Variants in SAMSN1 observed in about 807,000 individuals in gnomAD.
The protein encoded by SAMSN1 is SAM domain, SH3 domain and nuclear localization signals 1.
A neutral mutation model predicts 42.0 loss-of-function variants in SAMSN1; 31 were observed. The observed-to-expected ratio is 0.74, with a 90% confidence interval of 0.55 to 1.00. SAMSN1 has a LOEUF of 1.00. Ranked by LOEUF, SAMSN1 falls within the 50% of genes least tolerant of loss-of-function variation. SAMSN1 has a pLI of 0.00. For missense variants in SAMSN1, 464 were observed against 439.4 expected (o/e 1.06, Z -0.50); for synonymous variants, 178 against 151.9 (o/e 1.17, Z -1.26).
At chr21:14,527,931 C>G (rs1978986529) in intron 1 of SAMSN1, among the ~76,000 whole-genome samples, 1 of 152,076 alleles carries the variant, frequency 6.6e-6, no homozygotes, top group Non-Finnish European at 1.5e-5. Context: ...TCATGCTACA[C>G]TTCTGGGAAA....
chr21:14,543,392 T>C (rs1980170164), intron 1 of SAMSN1, among the ~76,000 whole-genome samples: 1 of 152,198 alleles, frequency 6.6e-6, no homozygotes, highest in Non-Finnish European at 1.5e-5. Flanking sequence ...TATTTTAACA[T>C]GTATTTGGAC....
intron 1 of SAMSN1, among the ~76,000 whole-genome samples, chr21:14,538,056 T>C (rs902465278): frequency 6.6e-6 from 1 of 152,228 alleles, no homozygotes; most frequent in Admixed American, 6.5e-5. Context: ...AAAATACTTT[T>C]TAAAATGCTA....
chr21:14,497,540 C>T (rs756608935), intron 7 of SAMSN1, among the ~76,000 whole-genome samples: 1 of 152,002 alleles, frequency 6.6e-6, no homozygotes, highest in Non-Finnish European at 1.5e-5. Flanking sequence ...CGCGGTGAGC[C>T]GAGATCGCAC....
At chr21:14,629,540 C>T (rs1262982026) in intron 2 of SAMSN1, among the ~76,000 whole-genome samples, 1 of 152,196 alleles carries the variant, frequency 6.6e-6, no homozygotes, top group East Asian at 1.9e-4. Flanking sequence ...GCTTGCCAGC[C>T]TGTCCAGCTC....
At chr21:14,571,393 A>G (rs1295957520) in intron 2 of SAMSN1, among the ~76,000 whole-genome samples, 1 of 152,200 alleles carries the variant, frequency 6.6e-6, no homozygotes, top group Non-Finnish European at 1.5e-5. Context: ...GAGCTGCAAT[A>G]AAGCCATATT....
upstream of SAMSN1, among the ~76,000 whole-genome samples, chr21:14,547,809 A>G (rs187054440): frequency 4.3e-4 from 65 of 152,316 alleles, no homozygotes; most frequent in East Asian, 0.011. Flanking sequence ...CCTCTTGACT[A>G]GCTAAAAACA....
At chr21:14,512,880 T>A (rs75619795) in intron 3 of SAMSN1, among the ~76,000 whole-genome samples, 1 of 152,322 alleles carries the variant, frequency 6.6e-6, no homozygotes, top group East Asian at 1.9e-4. Flanking sequence ...TTTATTGACA[T>A]CTATGGTTTA....
chr21:14,640,236 T>C (rs953788743), intron 2 of SAMSN1, among the ~76,000 whole-genome samples: 3 of 152,206 alleles, frequency 2.0e-5, no homozygotes, highest in Non-Finnish European at 1.5e-5. Context: ...ATTTTGATTT[T>C]CCTTTTTCAA....
Position 14,554,803 on chromosome 21 carries a change from A to C in SAMSN1, c.261+27333T>G, listed in dbSNP as rs1363611397. Among the ~76,000 whole-genome samples the C allele has an allele frequency of 2.0e-5, 3 of 151,698 alleles. No individual in the cohort carries two copies. In the East Asian group the frequency reaches 5.8e-4, roughly 29 times the overall value. ...AGCTTTAAACTCCCAGGCTCAAGCA[A>C]TCCTCTCACCTCAGTCTCCTAACTA... On this transcript the variant is annotated intron_variant, in intron 2 of 8. Transcript: ENST00000285670.
chr21:14,658,636 C>G, intron 1 of SAMSN1: 1 of 640,954 alleles, frequency 1.6e-6, no homozygotes, highest in Non-Finnish European at 2.9e-6. Context: ...TTCTGAGATG[C>G]TAAGTGTATG....
At chr21:14,508,307 A>G (rs1987514319) in intron 5 of SAMSN1, among the ~76,000 whole-genome samples, 1 of 152,246 alleles carries the variant, frequency 6.6e-6, no homozygotes, top group Non-Finnish European at 1.5e-5. Flanking sequence ...CAATCTATAC[A>G]TCTGACAAAG....
intron 5 of SAMSN1, chr21:14,609,434 A>G (rs758542581): frequency 5.6e-6 from 4 of 716,416 alleles, no homozygotes. Context: ...TGCCCTTTAA[A>G]CTACTTTGGG....
intron 1 of SAMSN1, among the ~76,000 whole-genome samples, chr21:14,646,689 A>T (rs929768546): frequency 6.6e-6 from 1 of 152,218 alleles, no homozygotes; most frequent in African/African-American, 2.4e-5. Flanking sequence ...AACCAATGAA[A>T]GATAATAACT....
At chr21:14,514,197 C>T (rs1225669247) in intron 3 of SAMSN1, among the ~76,000 whole-genome samples, 1 of 152,212 alleles carries the variant, frequency 6.6e-6, no homozygotes, top group East Asian at 1.9e-4. Flanking sequence ...ATGAGACTCT[C>T]TCTACCTGAT....
chr21:14,594,038 T>A (rs1982173875), exon 7 of SAMSN1: 2 of 715,806 alleles, frequency 2.8e-6, no homozygotes, highest in Non-Finnish European at 5.2e-6. Context: ...GGTCTCAACA[T>A]GTCTTTGATA....
chr21:14,649,423 C>A (rs964189990), intron 1 of SAMSN1, among the ~76,000 whole-genome samples: 1 of 151,232 alleles, frequency 6.6e-6, no homozygotes, highest in Admixed American at 6.6e-5. Context: ...TAAAGTATAA[C>A]AATAAAAGAA....
intron 2 of SAMSN1, among the ~76,000 whole-genome samples, chr21:14,629,981 T>G (rs60481541): frequency 0.031 from 4,767 of 152,340 alleles, 222 homozygotes; most frequent in African/African-American, 0.1. Context: ...CAACTAATGT[T>G]TATTAAGTGC....
rs1237303814 is a variant in SAMSN1, at chr21:14,512,400, C to T, written c.409+44G>A. The T allele has an allele frequency of 3.7e-6, 6 of 1,603,098 alleles. No homozygotes were observed. In the African/African-American group the frequency reaches 6.7e-5, roughly 18 times the overall value. On this transcript the variant is annotated intron_variant, in intron 4 of 7. Transcript: ENST00000400566. Reference sequence around the variant, plus strand: ...TTGTTGTTTTTTAATTAATTTAACCCAGACCTCACACCCAGGATCTTGTCC... The same window carrying T: ...TTGTTGTTTTTTAATTAATTTAACCTAGACCTCACACCCAGGATCTTGTCC...
chr21:14,585,997 G>A (rs1235057296), upstream of SAMSN1, among the ~76,000 whole-genome samples: 1 of 152,042 alleles, frequency 6.6e-6, no homozygotes, highest in East Asian at 1.9e-4. Flanking sequence ...AGGTGCAGCA[G>A]CTCATGCCTG....
Sources: gnomAD v4.1 joint callset for allele counts (sites outside exome capture counted in the v4.1 genomes callset) on GRCh38, gnomAD v4.1.1 for gene constraint, MANE v1.5 for transcripts, NCBI Gene and HGNC (gene_info 2026-07-23, HGNC 2026-07-21) for gene names.